C9: variants seen among roughly 807,000 people sequenced by gnomAD.
C9 encodes complement C9, also known as complement component C9.
Under a neutral mutation model 65.4 loss-of-function variants are expected in C9, and 63 were observed. The observed-to-expected ratio is 0.96, with a 90% CI of 0.79 to 1.19. The LOEUF (loss-of-function observed/expected upper bound fraction) is 1.19. Ranked by LOEUF, C9 falls within the 50% of genes most tolerant of loss-of-function variation. The probability of loss-of-function intolerance (pLI) is 0.00; values close to 1 mark genes in which losing one functional copy is unlikely to be tolerated. For synonymous variants in C9, 229 were observed against 227.9 expected, an observed-to-expected ratio of 1.00 and a Z score of -0.04; for missense variants, 744 against 670.1, an observed-to-expected ratio of 1.11 and a Z score of -1.22.
intron 1 of C9, among the ~76,000 whole-genome samples, chr5:39,355,445 C>T (rs919001039): frequency 8.3e-6 from 1 of 120,324 alleles, no homozygotes; most frequent in African/African-American, 2.7e-5. Flanking sequence ...AGCTTCTAAC[C>T]CAAGGACTCC....
chr5:39,347,373 C>A (rs1754218870), intron 1 of C9, among the ~76,000 whole-genome samples: 1 of 152,070 alleles, frequency 6.6e-6, no homozygotes, highest in Non-Finnish European at 1.5e-5. Flanking sequence ...TCTTACACAC[C>A]AATAACAGAC....
intron 9 of C9, among the ~76,000 whole-genome samples, chr5:39,290,343 A>G (rs1435512493): frequency 6.6e-6 from 1 of 151,920 alleles, no homozygotes; most frequent in Non-Finnish European, 1.5e-5. Flanking sequence ...AACTAGCAAG[A>G]GCTGTTTGAG....
intron 10 of C9, 64 bp from the exon 11 acceptor site, chr5:39,285,297 C>T (rs975541822): frequency 3.0e-6 from 4 of 1,315,664 alleles, no homozygotes; most frequent in Non-Finnish European, 4.4e-6. Flanking sequence ...GGTCCATCCA[C>T]CCATCCGCTT....
In C9 at chr5:39,328,292, C is replaced by T. The variant is rs141679947; in HGVS notation, c.615+3384G>A. The stretch of plus-strand genomic sequence containing the variant: ...GTCAAGTTGGAGCTAATGTCATCTG[C>T]TGAACCCAGGATCAAAATGGTGAGT... On this transcript the variant is annotated intron_variant, in intron 5 of 10. Transcript: ENST00000263408. Among the ~76,000 whole-genome samples, 4 of 152,358 alleles carry T rather than the reference C, an allele frequency of 2.6e-5. No individual in the cohort carries two copies. In the East Asian group the frequency reaches 7.7e-4, roughly 29 times the overall value.
Position 39,341,274 on chromosome 5 carries a change from T to A in C9, c.348A>T (p.Arg116=). The change falls in exon 4 of 11, where the codon CGA becomes CGT. Residue 116 remains arginine (R), a synonymous_variant. Transcript: ENST00000263408. ...QCSTGRCIKM[R]LRCNGDNDCG... ...AGTCATTGTCACCATTACACCGAAG[T>A]CGCATCTTTATGCATCTGCCTGCAA... 1.9e-6 allele frequency: 3 copies of A among 1,614,188 alleles called. No homozygotes were observed. The highest frequency in any genetic ancestry group is 2.5e-6 in the Non-Finnish European group (3 of 1,180,018).
chr5:39,348,262 A>T (rs1754247625), intron 1 of C9, among the ~76,000 whole-genome samples: 1 of 152,182 alleles, frequency 6.6e-6, no homozygotes, highest in Non-Finnish European at 1.5e-5. Flanking sequence ...AATTTTTGCA[A>T]TCTACTCATC....
intron 1 of C9, among the ~76,000 whole-genome samples, chr5:39,349,257 G>A (rs187553436): frequency 3.6e-4 from 55 of 150,936 alleles, no homozygotes; most frequent in African/African-American, 1.2e-3. Flanking sequence ...GCTCCCCTTA[G>A]AGACTCTGAT....
At chr5:39,308,171 G>A (rs1753413457) in intron 8 of C9, 59 bp downstream of exon 8, 3 of 1,461,656 alleles carry the variant, frequency 2.1e-6, no homozygotes, top group Admixed American at 3.3e-5. Context: ...CAAGAGGGCA[G>A]TGCTCATTGA....
At position 39,331,680 on chromosome 5, in the gene C9, T is replaced by C. The variant is rs1348472463; in HGVS notation, c.611A>G (p.Tyr204Cys). The change falls in exon 5 of 11, where the codon TAT becomes TGT. Residue 204 changes from tyrosine to cysteine, a missense_variant. By Grantham distance (194) the Tyr-to-Cys change is radical. Transcript: ENST00000263408. ...RRPWNVASLI[Y>C]ETKGEKNFRT... is the part of the protein sequence containing the mutation. Reference sequence around the variant, plus strand: ...TTTTCCTCCGAGGAGACTTACTTCATAGATCAAAGAAGCCACGTTCCAAGG... The same window carrying C: ...TTTTCCTCCGAGGAGACTTACTTCACAGATCAAAGAAGCCACGTTCCAAGG... 1 of 1,614,018 alleles carries C rather than the reference T, an allele frequency of 6.2e-7. No individual in the cohort carries two copies. Among genetic ancestry groups the C allele is most frequent in the Admixed American group, 1.7e-5 (1 of 60,026 alleles).
intron 4 of C9, among the ~76,000 whole-genome samples, chr5:39,336,023 A>T (rs376487057): frequency 1.3e-4 from 20 of 152,204 alleles, no homozygotes; most frequent in African/African-American, 4.3e-4. Context: ...TCATCTTAAG[A>T]TTAAGTAGAT....
chr5:39,330,674 G>T (rs1005846443), intron 5 of C9, among the ~76,000 whole-genome samples: 2 of 152,058 alleles, frequency 1.3e-5, no homozygotes, highest in Non-Finnish European at 2.9e-5. Context: ...CATTATTGGG[G>T]AAAACCAACA....
chr5:39,331,575 T>A (rs1475930751), intron 5 of C9, 101 bp downstream of exon 5: 2 of 998,280 alleles, frequency 2.0e-6, no homozygotes, highest in African/African-American at 1.6e-5. Flanking sequence ...TCATGTGAAA[T>A]TATTATTCTA....
chr5:39,349,685 T>C (rs1754286039), intron 1 of C9, among the ~76,000 whole-genome samples: 1 of 152,232 alleles, frequency 6.6e-6, no homozygotes. Flanking sequence ...ATGACTGCCA[T>C]GTGCCTCACT....
intron 9 of C9, among the ~76,000 whole-genome samples, chr5:39,306,362 T>G (rs1753377555): frequency 1.3e-5 from 2 of 151,838 alleles, no homozygotes; most frequent in African/African-American, 4.8e-5. Context: ...AAAGATGGAG[T>G]CCTAGAGAAT....
chr5:39,315,210 G>A (rs1274298271), intron 6 of C9, among the ~76,000 whole-genome samples: 1 of 152,098 alleles, frequency 6.6e-6, no homozygotes, highest in Admixed American at 6.6e-5. Context: ...GCATTTTACT[G>A]GCGTCATGCT....
At chr5:39,322,110 A>G (rs905451055) in intron 5 of C9, among the ~76,000 whole-genome samples, 2 of 152,040 alleles carry the variant, frequency 1.3e-5, no homozygotes, top group African/African-American at 4.8e-5. Context: ...GCCATAAAAC[A>G]AGTCTTAAAC....
rs760339801 is a variant in C9, at chr5:39,311,205, CT to C, written c.1042del (p.Ser348AlafsTer5). 341 of 1,613,078 alleles carry C rather than the reference CT, an allele frequency of 2.1e-4. No individual in the cohort carries two copies. The highest frequency in any genetic ancestry group is 6.3e-4 in the Admixed American group (38 of 59,996). ...FLETYGTHYS[S>X]SGSLGGLYEL... ...ATAGAGTCCTCCTAGAGACCCAGAG[CT>C]ACTGTAGTGAGTTCCATAGGTTTCC... On this transcript the variant is annotated frameshift_variant, in exon 7 of 11. Coordinates refer to ENST00000263408, the MANE Select transcript of C9 (RefSeq NM_001737.5). LOFTEE classifies it high-confidence loss of function.
chr5:39,341,474 C>T (rs764439221), intron 3 of C9, 82 bp downstream of exon 3: 7 of 1,534,806 alleles, frequency 4.6e-6, no homozygotes, highest in Non-Finnish European at 5.4e-6. Flanking sequence ...TCCAAGTGTC[C>T]AGAAGCATAT....
chr5:39,291,121 A>T (rs747249050), intron 9 of C9, among the ~76,000 whole-genome samples: 3 of 151,960 alleles, frequency 2.0e-5, no homozygotes, highest in Non-Finnish European at 4.4e-5. Context: ...AAATAGAAAC[A>T]GCTATGGTGG....
Sources: allele counts gnomAD v4.1 joint callset (sites outside exome capture counted in the v4.1 genomes callset), GRCh38; gene constraint gnomAD v4.1.1; transcripts MANE v1.5; gene names NCBI Gene and HGNC (gene_info 2026-07-23, HGNC 2026-07-21).